LRP1B: variants seen among roughly 807,000 people sequenced by gnomAD.
LRP1B encodes the protein LDL receptor related protein 1B.
In LRP1B, 217 loss-of-function variants were observed where a neutral mutation model predicts 556.6. The observed-to-expected ratio is 0.39, with a 90% CI of 0.35 to 0.44. LRP1B has a LOEUF of 0.44. Among genes scored for constraint, LRP1B ranks in the 20% least tolerant of loss-of-function variants. The pLI, the probability that LRP1B is intolerant of heterozygous loss-of-function variation, is 1.00. For missense variants in LRP1B, 5,053 were observed against 5,620.8 expected (o/e 0.90, Z 3.23); for synonymous variants, 2,047 against 1,865.8 (o/e 1.10, Z -2.50).
At chr2:141,901,983 A>G (rs561179879) in intron 1 of LRP1B, among the ~76,000 whole-genome samples, 29 of 151,860 alleles carry the variant, frequency 1.9e-4, no homozygotes, top group African/African-American at 6.3e-4. Context: ...AGAATAATGG[A>G]TGTGAAAAAT....
chr2:141,131,971 T>C (rs1002477004), intron 7 of LRP1B, among the ~76,000 whole-genome samples: 5 of 151,958 alleles, frequency 3.3e-5, no homozygotes, highest in African/African-American at 1.2e-4. Flanking sequence ...TTTGTAGCCT[T>C]TTATCCTTCA....
intron 41 of LRP1B, among the ~76,000 whole-genome samples, chr2:140,613,909 A>AT (rs1683170258): frequency 6.6e-6 from 1 of 152,100 alleles, no homozygotes; most frequent in Non-Finnish European, 1.5e-5. Flanking sequence ...TGAGATGTGT[A>AT]TGTATCTCCT....
intron 3 of LRP1B, among the ~76,000 whole-genome samples, chr2:141,434,797 G>C (rs139647600): frequency 6.6e-6 from 1 of 152,084 alleles, no homozygotes; most frequent in Non-Finnish European, 1.5e-5. Flanking sequence ...TAGTGACTCA[G>C]CTAAAATAAT....
At chr2:142,002,512 C>G (rs1312037695) in intron 1 of LRP1B, among the ~76,000 whole-genome samples, 1 of 150,868 alleles carries the variant, frequency 6.6e-6, no homozygotes, top group Non-Finnish European at 1.5e-5. Context: ...GGTGTGATAC[C>G]ATCAATTTAA....
At chr2:141,281,018 A>T (rs1057010193) in intron 3 of LRP1B, among the ~76,000 whole-genome samples, 5 of 151,970 alleles carry the variant, frequency 3.3e-5, no homozygotes, top group African/African-American at 1.2e-4. Context: ...CAATATTCAT[A>T]CTCAAAATAC....
At chr2:141,290,888 A>G (rs886676831) in intron 3 of LRP1B, among the ~76,000 whole-genome samples, 1 of 152,150 alleles carries the variant, frequency 6.6e-6, no homozygotes, top group Non-Finnish European at 1.5e-5. Flanking sequence ...CTTCAAACAA[A>G]CACAAAATGC....
chr2:141,971,316 G>C (rs1028023626), intron 1 of LRP1B, among the ~76,000 whole-genome samples: 1 of 151,204 alleles, frequency 6.6e-6, no homozygotes, highest in Non-Finnish European at 1.5e-5. Context: ...TCCCCTAAAG[G>C]TTACACAGAA....
At chr2:140,702,579 T>C in intron 37 of LRP1B, 26 bp from the exon 38 acceptor site, 1 of 1,609,332 alleles carries the variant, frequency 6.2e-7, no homozygotes, top group Admixed American at 1.7e-5. Flanking sequence ...TAATTTGTAG[T>C]GTTTATGTAC....
intron 7 of LRP1B, among the ~76,000 whole-genome samples, chr2:141,088,696 G>C (rs1700104753): frequency 6.6e-6 from 1 of 152,184 alleles, no homozygotes; most frequent in Admixed American, 6.5e-5. Flanking sequence ...GGTGCTGCTG[G>C]AAACTGCAAG....
Position 141,480,437 on chromosome 2 carries a change from A to G in LRP1B, c.302T>C (p.Leu101Ser). The change falls in exon 3 of 91, where the codon TTG becomes TCG. Residue 101 changes from leucine to serine, a missense_variant. By Grantham distance (145) the Leu-to-Ser change is moderately radical. Coordinates refer to ENST00000389484, the MANE Select transcript of LRP1B (RefSeq NM_018557.3). ...VHLSQLCNGV[L>S]DCPDGYDEGV... ...TTCGTCATACCCATCTGGGCAGTCC[A>G]AGACACCATTGCACAGCTGGGATAA... 1 of 1,614,044 alleles carries G rather than the reference A, an allele frequency of 6.2e-7. No individual in the cohort carries two copies. Among genetic ancestry groups the G allele is most frequent in the South Asian group, 1.1e-5 (1 of 91,084 alleles).
intron 79 of LRP1B, among the ~76,000 whole-genome samples, chr2:140,328,504 A>C (rs1680617407): frequency 6.6e-6 from 1 of 151,982 alleles, no homozygotes; most frequent in Admixed American, 6.6e-5. Context: ...GAAGAAAACA[A>C]AATATTATGT....
chr2:141,617,631 A>G (rs561744393), intron 2 of LRP1B, among the ~76,000 whole-genome samples: 1 of 152,360 alleles, frequency 6.6e-6, no homozygotes, highest in South Asian at 2.1e-4. Context: ...CAGATAATAC[A>G]AAATGAGTTA....
At chr2:141,684,318 A>G (rs977880995) in intron 2 of LRP1B, among the ~76,000 whole-genome samples, 1 of 152,076 alleles carries the variant, frequency 6.6e-6, no homozygotes, top group Non-Finnish European at 1.5e-5. Context: ...ATGGATGAAG[A>G]TGGAAACCAT....
intron 3 of LRP1B, among the ~76,000 whole-genome samples, chr2:141,453,342 A>G (rs1168325358): frequency 2.0e-5 from 3 of 152,150 alleles, no homozygotes; most frequent in South Asian, 2.1e-4. Flanking sequence ...ACACTATTCC[A>G]TTCACCTTGA....
chr2:141,789,061 C>T (rs6429922), intron 2 of LRP1B, among the ~76,000 whole-genome samples: 1 of 151,684 alleles, frequency 6.6e-6, no homozygotes, highest in African/African-American at 2.4e-5. Context: ...TAATGGGATG[C>T]CTGGGTCAAA....
At chr2:141,511,069 C>T (rs537321513) in intron 2 of LRP1B, among the ~76,000 whole-genome samples, 50 of 152,220 alleles carry the variant, frequency 3.3e-4, no homozygotes, top group African/African-American at 1.2e-3. Flanking sequence ...GCTTTAAACT[C>T]AGTTTCTTGA....
At chr2:140,437,621 C>A (rs1358749881) in intron 66 of LRP1B, among the ~76,000 whole-genome samples, 1 of 152,078 alleles carries the variant, frequency 6.6e-6, no homozygotes, top group African/African-American at 2.4e-5. Context: ...AAAGCTTTTC[C>A]CCCATAGGTT....
intron 1 of LRP1B, among the ~76,000 whole-genome samples, chr2:141,866,575 A>C (rs1698419191): frequency 6.6e-6 from 1 of 152,186 alleles, no homozygotes. Context: ...CTACTTTATT[A>C]GTACTATTTG....
rs142346657 is a variant in LRP1B, at chr2:141,077,743, C to A, written c.1014-15470G>T. On this transcript the variant is annotated intron_variant, in intron 7 of 90. Coordinates refer to ENST00000389484, the MANE Select transcript of LRP1B (RefSeq NM_018557.3). ...CTTCCCTTCCGGATTGCCTGCCCTACAGATTTCAATCTAACTAGCCAGACT... is the reference window on the plus strand; with the variant it reads ...CTTCCCTTCCGGATTGCCTGCCCTAAAGATTTCAATCTAACTAGCCAGACT... Among the ~76,000 whole-genome samples the A allele has an allele frequency of 3.2e-3, 485 of 152,282 alleles. 3 individuals carry two copies. Among genetic ancestry groups the A allele is most frequent in the African/African-American group, 0.011 (469 of 41,560 alleles).
Sources: gnomAD v4.1 joint callset for allele counts (sites outside exome capture counted in the v4.1 genomes callset) on GRCh38, gnomAD v4.1.1 for gene constraint, MANE v1.5 for transcripts, NCBI Gene and HGNC (gene_info 2026-07-23, HGNC 2026-07-21) for gene names.